CLPSL2: variants seen among roughly 807,000 people sequenced by gnomAD.
The protein encoded by CLPSL2 is colipase like 2.
Under a neutral mutation model 7.9 loss-of-function variants are expected in CLPSL2, and 4 were observed. That is an observed-to-expected ratio of 0.50 (90% CI 0.25 to 1.15). The LOEUF (loss-of-function observed/expected upper bound fraction) is 1.15, where lower values mean the gene tolerates loss of function less well. Among genes scored for constraint, CLPSL2 ranks in the 50% most tolerant of loss-of-function variants. The probability of loss-of-function intolerance (pLI) is 0.15; values close to 1 mark genes in which losing one functional copy is unlikely to be tolerated. For synonymous variants in CLPSL2, 67 were observed against 53.1 expected, an observed-to-expected ratio of 1.26 and a Z score of -1.14; for missense variants, 132 against 136.6, an observed-to-expected ratio of 0.97 and a Z score of 0.17.
rs1438063475 is a variant in CLPSL2 at position 35,776,696 on chromosome 6, T to C, written c.78T>C (p.Tyr26=). Residue 26 remains tyrosine (Y), a synonymous_variant, in exon 1 of 3, where the codon TAT becomes TAC. Coordinates refer to ENST00000403376, the MANE Select transcript of CLPSL2 (RefSeq NM_207409.4). ...VLPLWSALPQ[Y]KKKITDRCFH... is the part of the protein sequence containing the mutation. Reference sequence around the variant, plus strand: ...CCCTCTGGAGCGCGCTTCCGCAATATAAAAAGGTGAGCCGGGGAGCGCGCC... The same window carrying C: ...CCCTCTGGAGCGCGCTTCCGCAATACAAAAAGGTGAGCCGGGGAGCGCGCC... The C allele has an allele frequency of 2.8e-6, 4 of 1,439,718 alleles. No individual in the cohort carries two copies. Among genetic ancestry groups the C allele is most frequent in the Non-Finnish European group, 2.7e-6 (3 of 1,103,682 alleles). 89.2% of individuals were successfully genotyped at this position (1,439,718 alleles called of 1,614,324 possible).
intron 2 of CLPSL2, 114 bp downstream of exon 2, chr6:35,777,695 T>C: frequency 3.2e-6 from 4 of 1,247,838 alleles, no homozygotes; most frequent in South Asian, 1.5e-5. Context: ...GCCCTTCTTC[T>C]TCTCCACTTG....
intron 1 of CLPSL2, 57 bp from the exon 2 acceptor site, chr6:35,777,402 G>A (rs1163847384): frequency 1.9e-5 from 20 of 1,070,496 alleles, no homozygotes; most frequent in African/African-American, 7.9e-5. Flanking sequence ...TCCCCTACCC[G>A]CCCACACGAC....
intron 2 of CLPSL2, 137 bp downstream of exon 2, chr6:35,777,718 T>C: frequency 9.6e-7 from 1 of 1,039,116 alleles, no homozygotes; most frequent in Non-Finnish European, 1.4e-6. Flanking sequence ...AAACTCCTAC[T>C]CATGGTGCAA....
At chr6:35,776,770 G>A (rs972729199) in intron 1 of CLPSL2, 68 bp downstream of exon 1, 2 of 1,295,950 alleles carry the variant, frequency 1.5e-6, no homozygotes, top group Non-Finnish European at 2.0e-6. Context: ...CGGGGCACTG[G>A]AGCCCGAAGG....
In CLPSL2 at chr6:35,779,373, A is replaced by G. The variant is rs747869977; in HGVS notation, c.226A>G (p.Ile76Val). ...CLPQTKGATN[I>V]ICPCRMGLTC... is the part of the protein sequence containing the mutation. ...CCTGCAGACCAAGGGAGCTACCAAC[A>G]TCATCTGCCCTTGCCGGATGGGCTT... The change falls in exon 3 of 3, where the codon ATC becomes GTC. Residue 76 changes from isoleucine (I) to valine (V), a missense_variant. Coordinates refer to ENST00000403376, the MANE Select transcript of CLPSL2 (RefSeq NM_207409.4). The G allele has an allele frequency of 6.3e-7, 1 of 1,576,352 alleles. No homozygotes were observed. The highest frequency in any genetic ancestry group is 2.3e-5 in the East Asian group (1 of 43,302).
chr6:35,777,363 C>A, intron 1 of CLPSL2, 96 bp from the exon 2 acceptor site: 1 of 1,404,600 alleles, frequency 7.1e-7, no homozygotes, highest in South Asian at 1.3e-5. Context: ...CTCCTGGATC[C>A]CTGGGCTCTT....
At chr6:35,777,849 A>G (rs1767875767) in intron 2 of CLPSL2, 1 of 717,500 alleles carries the variant, frequency 1.4e-6, no homozygotes, top group Non-Finnish European at 2.6e-6. Flanking sequence ...TGCCTCTCCC[A>G]GTGGTTGGAA....
chr6:35,779,404 G>A lies in CLPSL2; in HGVS notation c.257G>A (p.Cys86Tyr). ...IICPCRMGLT[C>Y]ISKDLMCSRR... ...TGCCCTTGCCGGATGGGCTTGACGT[G>A]CATATCCAAGGACTTGATGTGTTCC... The change falls in exon 3 of 3, where the codon TGC becomes TAC. Residue 86 changes from cysteine to tyrosine, a missense_variant. By Grantham distance (194) the Cys-to-Tyr change is radical (BLOSUM62 -2). Transcript: ENST00000403376. 1 of 1,584,890 alleles carries A rather than the reference G, an allele frequency of 6.3e-7. No individual in the cohort carries two copies. Among genetic ancestry groups the A allele is most frequent in the Non-Finnish European group, 8.6e-7 (1 of 1,164,562 alleles).
intron 2 of CLPSL2, among the ~76,000 whole-genome samples, chr6:35,778,107 C>T (rs763054647): frequency 5.9e-5 from 9 of 152,110 alleles, no homozygotes; most frequent in African/African-American, 9.7e-5. Context: ...AGGGGTGCAC[C>T]GCTATGCCTG....
At position 35,777,588 on chromosome 6, in the gene CLPSL2, C is replaced by T; in HGVS notation, c.207+7C>T. The T allele has an allele frequency of 1.9e-6, 3 of 1,609,930 alleles. No homozygotes were observed. Among genetic ancestry groups the T allele is most frequent in the Non-Finnish European group, 2.5e-6 (3 of 1,177,992 alleles). The stretch of plus-strand genomic sequence containing the variant: ...CATGATCTGCTTGCCCCAGGTGAGG[C>T]CCTAGTATGGGGCAACTTCTGGCAA... On this transcript the variant is annotated splice_region_variant and intron_variant, in intron 2 of 2. Transcript: ENST00000403376.
chr6:35,779,216 A>G (rs1028610968), intron 2 of CLPSL2, 139 bp from the exon 3 acceptor site: 3 of 594,648 alleles, frequency 5.0e-6, no homozygotes, highest in African/African-American at 3.7e-5. Flanking sequence ...GCTGAAGGTC[A>G]CGCAGTTATA....
chr6:35,777,321 C>G (rs1767858046), intron 1 of CLPSL2, 138 bp from the exon 2 acceptor site: 2 of 932,566 alleles, frequency 2.1e-6, no homozygotes, highest in Non-Finnish European at 3.2e-6. Context: ...GGGGGGGAAC[C>G]AGCCCCCCAA....
chr6:35,778,815 CAG>C (rs558443085), intron 2 of CLPSL2, among the ~76,000 whole-genome samples: 246 of 152,198 alleles, frequency 1.6e-3, no homozygotes, highest in Non-Finnish European at 2.5e-3. Context: ...TTTTTTGAGA[CAG>C]AGTTTTGCTC....
chr6:35,778,671 A>G (rs536264842), intron 2 of CLPSL2, among the ~76,000 whole-genome samples: 22 of 152,336 alleles, frequency 1.4e-4, no homozygotes, highest in Non-Finnish European at 2.1e-4. Flanking sequence ...CCTGGGCCCA[A>G]ACCTTTCTAG....
At chr6:35,779,049 G>C (rs1167431724) in intron 2 of CLPSL2, among the ~76,000 whole-genome samples, 1 of 152,144 alleles carries the variant, frequency 6.6e-6, no homozygotes, top group Non-Finnish European at 1.5e-5. Context: ...TGGGATTACA[G>C]GGGTGAGCCA....
intron 2 of CLPSL2, among the ~76,000 whole-genome samples, chr6:35,778,825 C>T (rs1561937308): frequency 6.6e-6 from 1 of 152,052 alleles, no homozygotes; most frequent in Non-Finnish European, 1.5e-5. Flanking sequence ...CAGAGTTTTG[C>T]TCTTGTTGCC....
chr6:35,778,382 C>T (rs983442037), intron 2 of CLPSL2, among the ~76,000 whole-genome samples: 6 of 152,252 alleles, frequency 3.9e-5, no homozygotes, highest in African/African-American at 1.4e-4. Context: ...TTGAGAGGAG[C>T]ATGGCACTGC....
At chr6:35,778,013 T>C in intron 2 of CLPSL2, 1 of 664,386 alleles carries the variant, frequency 1.5e-6, no homozygotes, top group Non-Finnish European at 2.8e-6. Flanking sequence ...TAGAGTGCAA[T>C]GGCATGATCT....
chr6:35,777,986 C>G lies in CLPSL2; in HGVS notation c.207+405C>G. 4.3e-6 allele frequency: 3 copies of G among 698,764 alleles called. No individual in the cohort carries two copies. The South Asian group carries it at 4.5e-5, about 10-fold the overall frequency. The allele number at this position is 698,764 out of a possible 1,614,324, so 43.3% of individuals were successfully genotyped here. ...GTTTGTTTGTTTCGAGATGGAGTCTCGCTCTGTCACCCAGGCTAGAGTGCA... is the reference window on the plus strand; with the variant it reads ...GTTTGTTTGTTTCGAGATGGAGTCTGGCTCTGTCACCCAGGCTAGAGTGCA... On this transcript the variant is annotated intron_variant, in intron 2 of 2. Coordinates refer to ENST00000403376, the MANE Select transcript of CLPSL2 (RefSeq NM_207409.4).
Sources: gnomAD v4.1 joint callset for allele counts (sites outside exome capture counted in the v4.1 genomes callset) on GRCh38, gnomAD v4.1.1 for gene constraint, MANE v1.5 for transcripts, NCBI Gene and HGNC (gene_info 2026-07-23, HGNC 2026-07-21) for gene names.